CHRM5: variants seen among roughly 807,000 people sequenced by gnomAD.
CHRM5 encodes muscarinic acetylcholine receptor M5.
CHRM5 carries 18 observed loss-of-function variants against 39.0 expected under a neutral mutation model. That is an observed-to-expected ratio of 0.46 (90% CI 0.32 to 0.68). The LOEUF (loss-of-function observed/expected upper bound fraction) is 0.68. Ranked by LOEUF, CHRM5 falls within the 30% of genes least tolerant of loss-of-function variation. CHRM5 has a pLI of 0.04. For synonymous variants in CHRM5, 241 were observed against 246.3 expected, an observed-to-expected ratio of 0.98 and a Z score of 0.20; for missense variants, 515 against 651.1, an observed-to-expected ratio of 0.79 and a Z score of 2.28.
At chr15:34,019,674 TA>T (rs1361262518) in intron 1 of CHRM5, among the ~76,000 whole-genome samples, 1 of 152,198 alleles carries the variant, frequency 6.6e-6, no homozygotes, top group Non-Finnish European at 1.5e-5. Flanking sequence ...CACAAATACT[TA>T]CCATTGTGAT....
intron 2 of CHRM5, among the ~76,000 whole-genome samples, chr15:34,047,073 G>GTT (rs56218206): frequency 0.15 from 21,662 of 145,028 alleles, 1,875 homozygotes; most frequent in South Asian, 0.26. Flanking sequence ...TTTTTTGTTG[G>GTT]TTTTTTTTTT....
intron 1 of CHRM5, chr15:33,992,087 T>G (rs777143007): frequency 5.9e-5 from 9 of 152,194 alleles, no homozygotes; most frequent in Non-Finnish European, 1.2e-4. Context: ...CTTTTGAAGG[T>G]TTTTAAAAAG....
chr15:34,052,174 G>A (rs1899946229), intron 2 of CHRM5, among the ~76,000 whole-genome samples: 1 of 152,116 alleles, frequency 6.6e-6, no homozygotes, highest in Non-Finnish European at 1.5e-5. Flanking sequence ...TCATCCCTGG[G>A]ATGCAAGGTT....
chr15:34,005,274 G>A (rs1314041227), intron 1 of CHRM5, among the ~76,000 whole-genome samples: 1 of 152,016 alleles, frequency 6.6e-6, no homozygotes, highest in African/African-American at 2.4e-5. Flanking sequence ...CTATACAGCT[G>A]GTTTTTCCAA....
intron 1 of CHRM5, among the ~76,000 whole-genome samples, chr15:33,987,241 G>A (rs181575783): frequency 3.3e-5 from 5 of 152,260 alleles, no homozygotes; most frequent in Admixed American, 3.3e-4. Context: ...TATCCCATAT[G>A]TGCTTTATTC....
chr15:34,027,528 C>CAAAA (rs35780353), intron 1 of CHRM5, among the ~76,000 whole-genome samples: 58,137 of 131,884 alleles, frequency 0.44, 15,027 homozygotes, highest in Non-Finnish European at 0.58. Context: ...GACTCTGTCT[C>CAAAA]AAAAAAAAAA....
intron 1 of CHRM5, among the ~76,000 whole-genome samples, chr15:34,034,891 A>C (rs1166283419): frequency 1.3e-5 from 2 of 152,194 alleles, no homozygotes; most frequent in Non-Finnish European, 2.9e-5. Flanking sequence ...TTTCTGGAAA[A>C]AAAGGAAAAT....
At chr15:34,032,360 C>T (rs968088615) in intron 1 of CHRM5, among the ~76,000 whole-genome samples, 5 of 152,056 alleles carry the variant, frequency 3.3e-5, no homozygotes, top group Non-Finnish European at 7.4e-5. Context: ...AATAAGAAAA[C>T]CAACAATGAC....
At chr15:34,017,215 C>G (rs1267573170) in intron 1 of CHRM5, among the ~76,000 whole-genome samples, 1 of 152,086 alleles carries the variant, frequency 6.6e-6, no homozygotes, top group Non-Finnish European at 1.5e-5. Context: ...ACTCTGTTCA[C>G]CTATTAACAA....
chr15:34,050,525 C>G (rs1335490695), intron 2 of CHRM5, among the ~76,000 whole-genome samples: 2 of 152,104 alleles, frequency 1.3e-5, no homozygotes, highest in Non-Finnish European at 2.9e-5. Flanking sequence ...CGTAAATAGG[C>G]TAAATGCCCC....
At chr15:34,002,832 G>A (rs570033806) in intron 1 of CHRM5, among the ~76,000 whole-genome samples, 1 of 152,120 alleles carries the variant, frequency 6.6e-6, no homozygotes, top group African/African-American at 2.4e-5. Flanking sequence ...ATTCTACATC[G>A]GTACATGGAA....
At chr15:34,019,231 A>G (rs958977929) in intron 1 of CHRM5, among the ~76,000 whole-genome samples, 14 of 152,240 alleles carry the variant, frequency 9.2e-5, no homozygotes, top group Non-Finnish European at 8.8e-5. Flanking sequence ...TAATGGATGT[A>G]ATTGTTTGTG....
intron 1 of CHRM5, among the ~76,000 whole-genome samples, chr15:34,017,504 A>T (rs1897984457): frequency 1.0e-5 from 1 of 96,954 alleles, no homozygotes. Context: ...TTTTTTTGAG[A>T]CAGGGTCTTG....
intron 2 of CHRM5, among the ~76,000 whole-genome samples, chr15:34,054,082 C>G (rs1380250831): frequency 6.6e-6 from 1 of 152,068 alleles, no homozygotes; most frequent in African/African-American, 2.4e-5. Flanking sequence ...AAAAAAAACT[C>G]AACATCACTG....
At chr15:33,973,837 G>A (rs971678626) in intron 1 of CHRM5, among the ~76,000 whole-genome samples, 1 of 152,224 alleles carries the variant, frequency 6.6e-6, no homozygotes, top group African/African-American at 2.4e-5. Flanking sequence ...ATCAGCAGAT[G>A]TGTTAAATGA....
chr15:34,026,768 A>G (rs1898491331), intron 1 of CHRM5, among the ~76,000 whole-genome samples: 2 of 152,166 alleles, frequency 1.3e-5, no homozygotes. Context: ...CCAAATTGAC[A>G]GTTTCAGAAA....
intron 1 of CHRM5, among the ~76,000 whole-genome samples, chr15:34,021,962 T>G (rs1597361551): frequency 6.6e-6 from 1 of 152,178 alleles, no homozygotes; most frequent in African/African-American, 2.4e-5. Flanking sequence ...ATTCTTAAAG[T>G]CCATAGAAAG....
At chr15:33,990,740 C>A (rs1316390339) in intron 1 of CHRM5, 2 of 152,290 alleles carry the variant, frequency 1.3e-5, no homozygotes, top group East Asian at 3.9e-4. Context: ...CGAAACCTAC[C>A]ACCATCAAAT....
intron 1 of CHRM5, among the ~76,000 whole-genome samples, chr15:34,017,619 A>T (rs1897994920): frequency 6.6e-6 from 1 of 151,840 alleles, no homozygotes; most frequent in Non-Finnish European, 1.5e-5. Context: ...AGCTGTGACT[A>T]CAGGTGCATG....
Sources: gnomAD v4.1 joint callset for allele counts (sites outside exome capture counted in the v4.1 genomes callset) on GRCh38, gnomAD v4.1.1 for gene constraint, MANE v1.5 for transcripts, NCBI Gene and HGNC (gene_info 2026-07-23, HGNC 2026-07-21) for gene names.